Variants in NUB1 observed in about 807,000 individuals in gnomAD.
NUB1 encodes the protein NEDD8 ultimate buster 1.
Under a neutral mutation model 77.1 loss-of-function variants are expected in NUB1, and 41 were observed. The observed-to-expected ratio is 0.53, with a 90% CI of 0.41 to 0.69. The LOEUF (loss-of-function observed/expected upper bound fraction) is 0.69, where lower values mean the gene tolerates loss of function less well. NUB1 is among the 30% of genes least tolerant of loss of function. The pLI, the probability that NUB1 is intolerant of heterozygous loss-of-function variation, is 0.00. For synonymous variants in NUB1, 257 were observed against 281.0 expected (o/e 0.91, Z 0.85); for missense variants, 643 against 743.8 (o/e 0.86, Z 1.58).
chr7:151,356,554 C>T (rs2150680206), intron 7 of NUB1, among the ~76,000 whole-genome samples: 1 of 152,300 alleles, frequency 6.6e-6, no homozygotes. Context: ...GAACCTTGTC[C>T]CCTAAGGGAT....
intron 11 of NUB1, among the ~76,000 whole-genome samples, chr7:151,371,180 G>C (rs138810935): frequency 0.014 from 2,146 of 152,242 alleles, 27 homozygotes; most frequent in Non-Finnish European, 0.022. Context: ...CGATGCCTTT[G>C]GCTGAAAGCA....
At chr7:151,360,065 A>G (rs1797297345) in intron 7 of NUB1, 76 bp from the exon 8 acceptor site, 3 of 644,238 alleles carry the variant, frequency 4.7e-6, no homozygotes, top group Middle Eastern at 3.0e-4. Flanking sequence ...TGTTTTTTAA[A>G]AAGTAATATG....
intron 5 of NUB1, among the ~76,000 whole-genome samples, chr7:151,354,374 T>G (rs1295257151): frequency 6.6e-6 from 1 of 151,880 alleles, no homozygotes; most frequent in African/African-American, 2.4e-5. Flanking sequence ...ACCTTTATTT[T>G]GTGTGTTAAT....
intron 3 of NUB1, 90 bp from the exon 4 acceptor site, chr7:151,351,334 C>A: frequency 2.1e-6 from 2 of 954,800 alleles, no homozygotes; most frequent in Non-Finnish European, 3.3e-6. Context: ...CAGTTTATAT[C>A]CTCTGCCGTC....
chr7:151,357,543 T>A (rs1797138542), intron 7 of NUB1, among the ~76,000 whole-genome samples: 2 of 152,200 alleles, frequency 1.3e-5, no homozygotes, highest in Non-Finnish European at 2.9e-5. Context: ...ATTTTTCTGT[T>A]TTTAAGGGAT....
chr7:151,345,228 A>C, intron 1 of NUB1, 120 bp from the exon 2 acceptor site: 5 of 613,292 alleles, frequency 8.2e-6, no homozygotes. Context: ...ATAGTAATTT[A>C]TATTTAATGA....
chr7:151,348,546 ATGTTTT>A, intron 2 of NUB1, among the ~76,000 whole-genome samples: 1 of 126,844 alleles, frequency 7.9e-6, no homozygotes, highest in African/African-American at 2.8e-5. Context: ...TATCAAATAA[ATGTTTT>A]TGTTTTTTGC....
At chr7:151,348,937 C>A in intron 2 of NUB1, 136 bp from the exon 3 acceptor site, 1 of 709,790 alleles carries the variant, frequency 1.4e-6, no homozygotes, top group Non-Finnish European at 2.4e-6. Flanking sequence ...AGATGTCAAA[C>A]CACAGTGTGG....
chr7:151,357,076 G>A (rs1034051900), intron 7 of NUB1, among the ~76,000 whole-genome samples: 1 of 152,056 alleles, frequency 6.6e-6, no homozygotes, highest in Admixed American at 6.6e-5. Context: ...GAGTACAGTG[G>A]CACCATCATA....
intron 3 of NUB1, among the ~76,000 whole-genome samples, chr7:151,350,809 A>G (rs933829088): frequency 6.6e-6 from 1 of 152,230 alleles, no homozygotes; most frequent in African/African-American, 2.4e-5. Flanking sequence ...ATGAATGGTC[A>G]TAGCAACACT....
intron 11 of NUB1, among the ~76,000 whole-genome samples, chr7:151,371,293 C>A (rs772810327): frequency 6.6e-6 from 1 of 152,114 alleles, no homozygotes; most frequent in Non-Finnish European, 1.5e-5. Flanking sequence ...TAGGATAGGT[C>A]TCAGGGTTAG....
rs749093560 is a variant in NUB1 at position 151,356,165 on chromosome 7, C to A, written c.636C>A (p.Tyr212Ter). The A allele has an allele frequency of 1.9e-6, 3 of 1,613,932 alleles. No individual in the cohort carries two copies. The East Asian group carries it at 6.7e-5, about 36-fold the overall frequency. ...TGGTGGATCCAGAAATGACACCGTA[C>A]TTAGACATAGCTAACCAGACAGGCA... ...ETVVDPEMTP[Y>*]LDIANQTGRS... is the part of the protein sequence containing the mutation. The change falls in exon 7 of 15, where the codon TAC (tyrosine) becomes TAA (stop). Residue 212 changes from tyrosine (Y) to a stop codon, truncating the protein, a stop_gained. Transcript: ENST00000568733. LOFTEE classifies it high-confidence loss of function.
chr7:151,376,747 C>G lies in NUB1; in HGVS notation c.1605C>G (p.Pro535=), dbSNP rs753322816. The G allele has an allele frequency of 6.3e-6, 10 of 1,598,394 alleles. No homozygotes were observed. The highest frequency in any genetic ancestry group is 7.7e-6 in the Non-Finnish European group (9 of 1,173,566). The change falls in exon 14 of 15, where the codon CCC becomes CCG. Residue 535 remains proline (P), a synonymous_variant. Coordinates refer to ENST00000568733, the MANE Select transcript of NUB1 (RefSeq NM_001243351.2). ...CTCACAACGGAGGAAGCCTGCCTCC[C>G]GAGCTGCCGCTGTCGCCAGAAGACT... The part of the protein sequence containing the change: ...TLAHNGGSLP[P]ELPLSPEDSL...
chr7:151,370,872 A>G, intron 11 of NUB1, among the ~76,000 whole-genome samples: 1 of 152,154 alleles, frequency 6.6e-6, no homozygotes, highest in East Asian at 1.9e-4. Context: ...GTGTTTTAAA[A>G]TGAGATCATT....
At chr7:151,355,147 A>G (rs1312449129) in intron 5 of NUB1, among the ~76,000 whole-genome samples, 12 of 152,166 alleles carry the variant, frequency 7.9e-5, no homozygotes, top group Admixed American at 7.9e-4. Context: ...GGTGTGTTAT[A>G]CTTTCTCATT....
intron 11 of NUB1, among the ~76,000 whole-genome samples, chr7:151,373,109 T>C (rs1798036575): frequency 6.6e-6 from 1 of 152,178 alleles, no homozygotes; most frequent in Non-Finnish European, 1.5e-5. Flanking sequence ...GAGGCGCCTG[T>C]TGCCTGGGCT....
chr7:151,364,636 C>T (rs998878719), intron 8 of NUB1, among the ~76,000 whole-genome samples: 10 of 151,934 alleles, frequency 6.6e-5, no homozygotes, highest in African/African-American at 2.4e-4. Flanking sequence ...GCAATTCTCC[C>T]ACCTCAGCCT....
In NUB1 at chr7:151,378,108, T is replaced by C. The variant is rs1452269529; in HGVS notation, c.*883T>C. The C allele has an allele frequency of 6.6e-6, 1 of 152,266 alleles. No individual in the cohort carries two copies. The highest frequency in any genetic ancestry group is 1.5e-5 in the Non-Finnish European group (1 of 68,050). 9.4% of individuals were successfully genotyped at this position (152,266 alleles called of 1,614,324 possible). ...TGTTCTAGCCATGTGACAGAGGCTC[T>C]TTCTAAAAGTATGTAGTTCGCTGTG... On this transcript the variant is annotated 3_prime_UTR_variant, in exon 15 of 15. Transcript: ENST00000568733.
At chr7:151,372,077 T>C (rs940802909) in intron 11 of NUB1, among the ~76,000 whole-genome samples, 6 of 152,222 alleles carry the variant, frequency 3.9e-5, no homozygotes, top group Non-Finnish European at 1.5e-5. Flanking sequence ...CAGTTTCTCA[T>C]CTGAGAAAAG....
Sources: gnomAD v4.1 joint callset for allele counts (sites outside exome capture counted in the v4.1 genomes callset) on GRCh38, gnomAD v4.1.1 for gene constraint, MANE v1.5 for transcripts, NCBI Gene and HGNC (gene_info 2026-07-23, HGNC 2026-07-21) for gene names.